Variants in SYT7 observed in about 807,000 individuals in gnomAD.
The protein encoded by SYT7 is synaptotagmin-7.
Under a neutral mutation model 75.1 loss-of-function variants are expected in SYT7, and 29 were observed. The observed-to-expected ratio is 0.39, with a 90% CI of 0.29 to 0.53. The LOEUF is 0.53. SYT7 is among the 20% of genes least tolerant of loss of function. The probability of loss-of-function intolerance (pLI) is 0.77; values close to 1 mark genes in which losing one functional copy is unlikely to be tolerated. For synonymous variants in SYT7, 376 were observed against 401.7 expected, an observed-to-expected ratio of 0.94 and a Z score of 0.76; for missense variants, 693 against 953.2, an observed-to-expected ratio of 0.73 and a Z score of 3.59.
At chr11:61,549,941 C>T (rs2063300833) in intron 3 of SYT7, among the ~76,000 whole-genome samples, 2 of 152,282 alleles carry the variant, frequency 1.3e-5, no homozygotes, top group South Asian at 4.1e-4. Context: ...AGGTTATGAT[C>T]ACCTGGCAGA....
chr11:61,587,794 T>A, the SYT7 span, among the ~76,000 whole-genome samples: 3 of 152,216 alleles, frequency 2.0e-5, no homozygotes, highest in South Asian at 6.2e-4. Flanking sequence ...GCCCCGAGTA[T>A]CCGGCCCGGG....
chr11:61,537,501 G>A (rs971727075), intron 7 of SYT7, among the ~76,000 whole-genome samples: 3 of 152,206 alleles, frequency 2.0e-5, no homozygotes, highest in Non-Finnish European at 4.4e-5. Context: ...GTGAAAAGGA[G>A]CCCAACAAAG....
rs1302045681 is a variant in SYT7, at chr11:61,546,644, ACG to A, written c.348-391_348-390del. 2 of 466,168 alleles carry A rather than the reference ACG, an allele frequency of 4.3e-6. No individual in the cohort carries two copies. Among genetic ancestry groups the A allele is most frequent in the Non-Finnish European group, 8.5e-6 (2 of 233,958 alleles). The allele number at this position is 466,168 out of a possible 1,614,324, so 28.9% of individuals were successfully genotyped here. A position where few individuals can be genotyped will look rare whatever the true frequency, so the allele number is the denominator to read the frequency against. ...CCCACAGGACAACGAAGGGTTAACG[ACG>A]GAGGAAGAGCGGGCTGTCCAGGCCA... On this transcript the variant is annotated intron_variant, in intron 4 of 12. Transcript: ENST00000539008. The surrounding 1 kb of genome is among the most constrained non-coding windows in gnomAD (Gnocchi z 7.6).
rs1484501430 is a variant in SYT7, at chr11:61,546,833, C to T, written c.347+344G>A. On this transcript the variant is annotated intron_variant, in intron 4 of 12. Transcript: ENST00000539008. This position sits in a 1 kb window ranked among gnomAD's most constrained non-coding sequence, Gnocchi z 7.6. ...GCGGGGAGGAAGAAGCGACCACAAC[C>T]GAGGGGGCGGGACCCAAACGGGCAA... is the stretch of plus-strand genomic sequence containing the variant. Among the ~76,000 whole-genome samples the T allele has an allele frequency of 6.6e-6, 1 of 152,180 alleles. No homozygotes were observed. The highest frequency in any genetic ancestry group is 3.4e-3 in the Middle Eastern group (1 of 294).
intron 7 of SYT7, among the ~76,000 whole-genome samples, chr11:61,536,876 C>A (rs1297773710): frequency 6.6e-6 from 1 of 152,210 alleles, no homozygotes; most frequent in Non-Finnish European, 1.5e-5. Context: ...TCAAGAGCCT[C>A]AGGATGGCCT....
chr11:61,565,963 T>G (rs1311699790), intron 1 of SYT7, among the ~76,000 whole-genome samples: 1 of 152,224 alleles, frequency 6.6e-6, no homozygotes, highest in Non-Finnish European at 1.5e-5. Flanking sequence ...AGATGCCAAG[T>G]GAGTAAACAG....
chr11:61,561,891 T>C (rs1289610160), intron 1 of SYT7, among the ~76,000 whole-genome samples: 1 of 152,012 alleles, frequency 6.6e-6, no homozygotes, highest in Admixed American at 6.5e-5. Flanking sequence ...GTTCAATGCT[T>C]GTATATGTTA....
intron 7 of SYT7, among the ~76,000 whole-genome samples, chr11:61,535,550 G>A (rs1443804323): frequency 1.3e-5 from 2 of 152,198 alleles, no homozygotes; most frequent in African/African-American, 2.4e-5. Flanking sequence ...CCTCCCGGGA[G>A]CGCAGTCTGA....
intron 3 of SYT7, among the ~76,000 whole-genome samples, chr11:61,548,409 G>A (rs1275228403): frequency 6.6e-6 from 1 of 152,178 alleles, no homozygotes; most frequent in Non-Finnish European, 1.5e-5. Context: ...CCGGTGGAGG[G>A]CATGGCCTGG....
rs1490563209 is a variant in SYT7 at position 61,580,482 on chromosome 11, G to T, written c.31+308C>A. ...TGAGGGCACTGCCCGGCTCCCACAG[G>T]GGCAGCGGCTCCTCGCTCCGCCACA... On this transcript the variant is annotated intron_variant, in intron 1 of 12. Coordinates refer to ENST00000539008, the MANE Select transcript of SYT7 (RefSeq NM_001365809.2). The surrounding 1 kb of genome is among the most constrained non-coding windows in gnomAD (Gnocchi z 6.1). Among the ~76,000 whole-genome samples the T allele has an allele frequency of 6.6e-6, 1 of 152,140 alleles. No individual in the cohort carries two copies. Among genetic ancestry groups the T allele is most frequent in the Non-Finnish European group, 1.5e-5 (1 of 68,014 alleles).
chr11:61,524,247 T>A lies in SYT7; in HGVS notation c.1641+116A>T. 1.5e-6 allele frequency: 2 copies of A among 1,299,818 alleles called. No individual in the cohort carries two copies. The highest frequency in any genetic ancestry group is 4.9e-5 in the East Asian group (2 of 40,446). 80.5% of individuals were successfully genotyped at this position (1,299,818 alleles called of 1,614,324 possible). A position where few individuals can be genotyped will look rare whatever the true frequency, so the allele number is the denominator to read the frequency against. On this transcript the variant is annotated intron_variant, in intron 10 of 12. Transcript: ENST00000539008. The surrounding 1 kb of genome is among the most constrained non-coding windows in gnomAD (Gnocchi z 4.1). ...GGCTGAGCTCCATCGGGTCCACCCATCTGCACCCTCTCCCACAGCCCTCCT... is the reference window on the plus strand; with the variant it reads ...GGCTGAGCTCCATCGGGTCCACCCAACTGCACCCTCTCCCACAGCCCTCCT...
At chr11:61,538,389 A>AGAGAGAGAGAGAGAC in intron 6 of SYT7, 123 bp from the exon 7 acceptor site, 1 of 252,448 alleles carries the variant, frequency 4.0e-6, no homozygotes, top group Non-Finnish European at 6.4e-6. Flanking sequence ...GAGAGAGAGA[A>AGAGAGAGAGAGAGAC]AGAGAGAGAG....
In SYT7 at chr11:61,517,097, C is replaced by T. The variant is rs1330262220; in HGVS notation, c.*1530G>A. Reference sequence around the variant, plus strand: ...GACCACGGCCACAGACTGTGGGGGCCTGGCGCCACCTGGCGGTAGTTCTGG... The same window carrying T: ...GACCACGGCCACAGACTGTGGGGGCTTGGCGCCACCTGGCGGTAGTTCTGG... On this transcript the variant is annotated 3_prime_UTR_variant, in exon 13 of 13. Coordinates refer to ENST00000539008, the MANE Select transcript of SYT7 (RefSeq NM_001365809.2). 7.6e-6 allele frequency: 3 copies of T among 395,598 alleles called. No individual in the cohort carries two copies. The highest frequency in any genetic ancestry group is 1.3e-5 in the Non-Finnish European group (3 of 224,736). 24.5% of individuals were successfully genotyped at this position (395,598 alleles called of 1,614,324 possible).
chr11:61,524,635 C>A lies in SYT7; in HGVS notation c.1472-103G>T. ...GAAGAGGAGGCAGGCCCTGTGCCCT[C>A]CCGCTGCCACCCCACCGGGCCAGCA... On this transcript the variant is annotated intron_variant, in intron 9 of 12. Transcript: ENST00000539008. This position sits in a 1 kb window ranked among gnomAD's most constrained non-coding sequence, Gnocchi z 4.1. 1 of 1,153,498 alleles carries A rather than the reference C, an allele frequency of 8.7e-7. No homozygotes were observed. Among genetic ancestry groups the A allele is most frequent in the Middle Eastern group, 2.1e-4 (1 of 4,680 alleles). 71.5% of individuals were successfully genotyped at this position (1,153,498 alleles called of 1,614,324 possible).
At chr11:61,560,371 G>A (rs891997651) in intron 1 of SYT7, among the ~76,000 whole-genome samples, 2 of 152,150 alleles carry the variant, frequency 1.3e-5, no homozygotes, top group Admixed American at 1.3e-4. Context: ...GTTCCTGTCT[G>A]TGTTCTTGAG....
intron 9 of SYT7, among the ~76,000 whole-genome samples, chr11:61,525,058 TCTC>T (rs2062470189): frequency 6.6e-6 from 1 of 152,012 alleles, no homozygotes; most frequent in African/African-American, 2.4e-5. Context: ...TCCACACCCC[TCTC>T]CTCCTGCCTG....
intron 7 of SYT7, among the ~76,000 whole-genome samples, chr11:61,537,801 T>A (rs1459656363): frequency 6.6e-6 from 1 of 151,608 alleles, no homozygotes; most frequent in Non-Finnish European, 1.5e-5. Context: ...GATTTCCAGT[T>A]GGGGTGGGGA....
chr11:61,559,621 G>A (rs2135370258), intron 1 of SYT7, among the ~76,000 whole-genome samples: 1 of 152,114 alleles, frequency 6.6e-6, no homozygotes, highest in African/African-American at 2.4e-5. Flanking sequence ...CTGCTCTGAT[G>A]CCCTCTCCAC....
chr11:61,566,581 A>C (rs893648741), intron 1 of SYT7, among the ~76,000 whole-genome samples: 1 of 152,224 alleles, frequency 6.6e-6, no homozygotes, highest in African/African-American at 2.4e-5. Context: ...CCACCTGAGC[A>C]GCTGTGAAAA....
Sources: allele counts gnomAD v4.1 joint callset (sites outside exome capture counted in the v4.1 genomes callset), GRCh38; gene constraint gnomAD v4.1.1; non-coding constraint Gnocchi (gnomAD v3.1); transcripts MANE v1.5; gene names NCBI Gene and HGNC (gene_info 2026-07-23, HGNC 2026-07-21).